The following ARB2A variants were observed in gnomAD, a reference collection of about 807,000 sequenced individuals.
ARB2A encodes cotranscriptional regulator ARB2A.
the ARB2A span, chr5:93,683,206 A>C: frequency 1.7e-5 from 22 of 1,331,034 alleles, no homozygotes; most frequent in South Asian, 3.5e-5. Context: ...CTTCATCATC[A>C]TCCTCTTCAT....
At chr5:93,744,459 A>AAAAAAAAAAAAAAAAAAAAT in the ARB2A span, among the ~76,000 whole-genome samples, 1 of 150,858 alleles carries the variant, frequency 6.6e-6, no homozygotes, top group African/African-American at 2.4e-5. Flanking sequence ...AAAAAAAAAA[A>AAAAAAAAAAAAAAAAAAAAT]AAAAAGTAAG....
the ARB2A span, among the ~76,000 whole-genome samples, chr5:93,632,606 A>G: frequency 6.6e-6 from 1 of 152,184 alleles, no homozygotes; most frequent in African/African-American, 2.4e-5. Flanking sequence ...TTAAGAGTAC[A>G]CTGGCTGGTA....
chr5:93,890,384 T>C, the ARB2A span, among the ~76,000 whole-genome samples: 2 of 151,830 alleles, frequency 1.3e-5, no homozygotes, highest in Admixed American at 1.3e-4. Context: ...GCAACAGAAT[T>C]ACTTTCATGT....
the ARB2A span, among the ~76,000 whole-genome samples, chr5:93,867,177 C>T: frequency 1.3e-5 from 2 of 152,130 alleles, no homozygotes; most frequent in Non-Finnish European, 2.9e-5. Context: ...TAATCTATTA[C>T]ATACCTCTGA....
chr5:93,669,948 G>C, the ARB2A span, among the ~76,000 whole-genome samples: 8 of 152,198 alleles, frequency 5.3e-5, no homozygotes, highest in African/African-American at 1.9e-4. Context: ...AACATAAAAA[G>C]AGAGCATGGT....
At chr5:93,897,312 T>C in the ARB2A span, among the ~76,000 whole-genome samples, 1 of 152,008 alleles carries the variant, frequency 6.6e-6, no homozygotes, top group Non-Finnish European at 1.5e-5. Flanking sequence ...TGTGTTTCCT[T>C]AAGCTATTTA....
the ARB2A span, among the ~76,000 whole-genome samples, chr5:93,811,751 A>T: frequency 6.6e-6 from 1 of 152,316 alleles, no homozygotes; most frequent in South Asian, 2.1e-4. Flanking sequence ...TAAAGTATAC[A>T]AATTGCTTAG....
At chr5:93,662,641 A>G in the ARB2A span, among the ~76,000 whole-genome samples, 1 of 152,182 alleles carries the variant, frequency 6.6e-6, no homozygotes, top group African/African-American at 2.4e-5. Flanking sequence ...TGTTTTTCTC[A>G]CAATTTTTCA....
the ARB2A span, among the ~76,000 whole-genome samples, chr5:93,826,930 A>C: frequency 1.3e-5 from 2 of 151,730 alleles, no homozygotes; most frequent in Non-Finnish European, 1.5e-5. Flanking sequence ...TGAACTCATC[A>C]TTTTTTATGG....
the ARB2A span, among the ~76,000 whole-genome samples, chr5:94,091,600 C>T: frequency 6.6e-6 from 1 of 152,190 alleles, no homozygotes; most frequent in Admixed American, 6.5e-5. Context: ...AACTGGAAAA[C>T]ATATGGCTCA....
the ARB2A span, among the ~76,000 whole-genome samples, chr5:93,923,731 C>A: frequency 6.6e-6 from 1 of 152,022 alleles, no homozygotes; most frequent in Non-Finnish European, 1.5e-5. Context: ...ATTGCTTGAG[C>A]CCAGGAGTTC....
the ARB2A span, among the ~76,000 whole-genome samples, chr5:94,068,862 C>CAA: frequency 5.5e-3 from 340 of 62,284 alleles, 3 homozygotes; most frequent in East Asian, 0.048. Context: ...ACTAAAAATA[C>CAA]AAAAAAAAAA....
chr5:93,703,472 T>A, the ARB2A span, among the ~76,000 whole-genome samples: 15 of 152,344 alleles, frequency 9.8e-5, no homozygotes, highest in South Asian at 3.1e-3. Context: ...CAGGGTTAGT[T>A]CCCTTCTTAC....
chr5:93,883,404 A>G, the ARB2A span, among the ~76,000 whole-genome samples: 2 of 40,896 alleles, frequency 4.9e-5, no homozygotes, highest in East Asian at 2.9e-3. Context: ...CATCAAAGCA[A>G]AAGAGAATTT....
At chr5:93,765,669 T>TTTCCTCAC in the ARB2A span, among the ~76,000 whole-genome samples, 1 of 150,398 alleles carries the variant, frequency 6.6e-6, no homozygotes. Context: ...TACCAATGAC[T>TTTCCTCAC]AGAATTGGAA....
At chr5:93,626,350 C>A in the ARB2A span, among the ~76,000 whole-genome samples, 8 of 152,106 alleles carry the variant, frequency 5.3e-5, no homozygotes, top group African/African-American at 1.9e-4. Flanking sequence ...AGTAAAAAGA[C>A]TGAAGAACAA....
chr5:93,834,917 A>G, the ARB2A span, among the ~76,000 whole-genome samples: 150 of 152,322 alleles, frequency 9.8e-4, 1 homozygote, highest in African/African-American at 3.4e-3. Flanking sequence ...ATGCAAACAT[A>G]CTAAATCTAT....
At chr5:93,676,749 G>A in the ARB2A span, among the ~76,000 whole-genome samples, 4 of 152,130 alleles carry the variant, frequency 2.6e-5, no homozygotes, top group South Asian at 2.1e-4. Flanking sequence ...CAAATATGCC[G>A]TATAAGAAAT....
chr5:93,740,435 C>T, the ARB2A span: 2 of 867,692 alleles, frequency 2.3e-6, no homozygotes, highest in Admixed American at 2.9e-5. Context: ...CACCCCCATT[C>T]CCTACTATGT....
Sources: gnomAD v4.1 joint callset for allele counts (sites outside exome capture counted in the v4.1 genomes callset) on GRCh38, gnomAD v4.1.1 for gene constraint, MANE v1.5 for transcripts, NCBI Gene and HGNC (gene_info 2026-07-23, HGNC 2026-07-21) for gene names.